Variants in DNAAF9 observed in about 807,000 individuals in gnomAD.
The protein encoded by DNAAF9 is dynein axonemal assembly factor 9, also known as shulin.
In DNAAF9, 90 loss-of-function variants were observed where a neutral mutation model predicts 167.0. The observed-to-expected ratio is 0.54, with a 90% confidence interval of 0.45 to 0.64. The LOEUF is 0.64. Among genes scored for constraint, DNAAF9 ranks in the 30% least tolerant of loss-of-function variants. DNAAF9 has a pLI of 0.00. For synonymous variants in DNAAF9, 491 were observed against 508.8 expected, an observed-to-expected ratio of 0.96 and a Z score of 0.47; for missense variants, 1,315 against 1,442.2, an observed-to-expected ratio of 0.91 and a Z score of 1.43.
chr20:3,381,616 A>C, intron 2 of DNAAF9, 118 bp from the exon 3 acceptor site: 1 of 989,894 alleles, frequency 1.0e-6, no homozygotes, highest in South Asian at 2.0e-5. Context: ...AGCTCAGACC[A>C]GTTTTGTGCC....
At chr20:3,287,878 G>T in intron 26 of DNAAF9, 88 bp from the exon 27 acceptor site, 1 of 1,178,770 alleles carries the variant, frequency 8.5e-7, no homozygotes, top group Non-Finnish European at 1.2e-6. Flanking sequence ...GTGACCATGA[G>T]TCCTAAAGCC....
chr20:3,256,198 G>A lies in DNAAF9; in HGVS notation c.3069C>T (p.Thr1023=), dbSNP rs1463539057. ...GKVKFSDSER[T]MEVCYNTLAN... ...CCAGTGTGTTGTAGCAGACCTCCAT[G>A]GTCCTCTCAGAGTCTGTAAGGAGAA... The change falls in exon 34 of 37, where the codon ACC becomes ACT. Residue 1023 remains threonine, a synonymous_variant. Coordinates refer to ENST00000252032, the MANE Select transcript of DNAAF9 (RefSeq NM_001009984.3). 3 of 1,613,614 alleles carry A rather than the reference G, an allele frequency of 1.9e-6. No individual in the cohort carries two copies. Among genetic ancestry groups the A allele is most frequent in the Non-Finnish European group, 2.5e-6 (3 of 1,179,512 alleles).
intron 21 of DNAAF9, among the ~76,000 whole-genome samples, chr20:3,298,531 GCTGGTCTCAAACTC>G (rs2069124248): frequency 6.6e-6 from 1 of 151,992 alleles, no homozygotes; most frequent in Non-Finnish European, 1.5e-5. Context: ...TGTTGCCCAG[GCTGGTCTCAAACTC>G]CTGGTCTCAA....
At chr20:3,280,209 CT>C (rs2068742549) in intron 28 of DNAAF9, among the ~76,000 whole-genome samples, 3 of 152,188 alleles carry the variant, frequency 2.0e-5, no homozygotes. Flanking sequence ...ATAGAACTCA[CT>C]GACTTCACTG....
chr20:3,355,762 AAT>A (rs916646522), intron 7 of DNAAF9, among the ~76,000 whole-genome samples: 2 of 152,164 alleles, frequency 1.3e-5, no homozygotes, highest in Non-Finnish European at 2.9e-5. Flanking sequence ...ATATTATTTT[AAT>A]ATGACACTAG....
At chr20:3,281,571 G>A (rs2122861450) in intron 28 of DNAAF9, 70 bp downstream of exon 28, 1 of 1,448,054 alleles carries the variant, frequency 6.9e-7, no homozygotes, top group South Asian at 1.4e-5. Flanking sequence ...CATTCCAAAA[G>A]ATCTGTCTTC....
intron 16 of DNAAF9, among the ~76,000 whole-genome samples, chr20:3,320,019 T>G (rs943565805): frequency 6.6e-6 from 1 of 152,140 alleles, no homozygotes; most frequent in African/African-American, 2.4e-5. Flanking sequence ...ATCCTTCATG[T>G]TCATATTTGG....
chr20:3,263,798 TGAA>T (rs1173024334), intron 31 of DNAAF9, among the ~76,000 whole-genome samples: 7 of 152,238 alleles, frequency 4.6e-5, no homozygotes, highest in Non-Finnish European at 8.8e-5. Context: ...GCTGAAAGAC[TGAA>T]TTATAAATTT....
In DNAAF9 at chr20:3,251,247, A is replaced by C. The variant is rs1163290379; in HGVS notation, c.*1325T>G. On this transcript the variant is annotated 3_prime_UTR_variant, in exon 37 of 37. Transcript: ENST00000252032. ...CAGGCACACAGACTACATGTGCTCC[A>C]TCTTGTCTCTCCGCTGCTCCAGGGG... The C allele has an allele frequency of 6.6e-6, 1 of 151,184 alleles. No homozygotes were observed. The highest frequency in any genetic ancestry group is 1.9e-4 in the East Asian group (1 of 5,182). 9.4% of individuals were successfully genotyped at this position (151,184 alleles called of 1,614,324 possible).
Position 3,307,108 on chromosome 20 carries a change from C to T in DNAAF9, c.1679-2565G>A, listed in dbSNP as rs2069312594. 8 of 984,624 alleles carry T rather than the reference C, an allele frequency of 8.1e-6. No homozygotes were observed. The South Asian group carries it at 2.8e-4, about 35-fold the overall frequency. 61.0% of individuals were successfully genotyped at this position (984,624 alleles called of 1,614,324 possible). ...AAAGCACAGATTGGAGAAGCTGGCA[C>T]ATTCCATTTACTCAATAGGAAGATG... is the stretch of plus-strand genomic sequence containing the variant. On this transcript the variant is annotated intron_variant, in intron 20 of 36. Coordinates refer to ENST00000252032, the MANE Select transcript of DNAAF9 (RefSeq NM_001009984.3).
At chr20:3,288,267 A>G (rs536851923) in intron 26 of DNAAF9, among the ~76,000 whole-genome samples, 2 of 152,358 alleles carry the variant, frequency 1.3e-5, no homozygotes, top group East Asian at 3.9e-4. Context: ...CCTGACCAAC[A>G]TAGAGAAATT....
At chr20:3,336,252 GTTTTTGT>G (rs2069941687) in intron 10 of DNAAF9, among the ~76,000 whole-genome samples, 1 of 81,416 alleles carries the variant, frequency 1.2e-5, no homozygotes, top group African/African-American at 5.1e-5. Context: ...ACAGTTTTGC[GTTTTTGT>G]TTTTTTTTTT....
chr20:3,346,148 A>C (rs2070189063), intron 8 of DNAAF9, among the ~76,000 whole-genome samples: 1 of 152,238 alleles, frequency 6.6e-6, no homozygotes, highest in African/African-American at 2.4e-5. Flanking sequence ...AAAATTTTTA[A>C]AGTATGACAA....
Position 3,315,722 on chromosome 20 carries a change from G to A in DNAAF9, c.1590+13C>T, listed in dbSNP as rs1326971150. The A allele has an allele frequency of 6.2e-7, 1 of 1,602,440 alleles. No individual in the cohort carries two copies. Among genetic ancestry groups the A allele is most frequent in the East Asian group, 2.2e-5 (1 of 44,832 alleles). On this transcript the variant is annotated intron_variant, in intron 19 of 36. Transcript: ENST00000252032. The surrounding 1 kb of genome is among the most constrained non-coding windows in gnomAD (Gnocchi z 4.1). ...GATATAATGTTCACACTGAGAATAA[G>A]AAGGCTGCTTACCCTCACTGCTTGC...
chr20:3,255,372 T>G, intron 34 of DNAAF9, 88 bp from the exon 35 acceptor site: 1 of 760,950 alleles, frequency 1.3e-6, no homozygotes, highest in Non-Finnish European at 2.3e-6. Context: ...ATTACACAAC[T>G]AAGATCTCAG....
chr20:3,332,276 T>C lies in DNAAF9; in HGVS notation c.1063+4A>G. The C allele has an allele frequency of 1.3e-6, 2 of 1,501,346 alleles. No homozygotes were observed. The highest frequency in any genetic ancestry group is 1.9e-6 in the Non-Finnish European group (2 of 1,077,662). The allele number at this position is 1,501,346 out of a possible 1,614,324, so 93.0% of individuals were successfully genotyped here. On this transcript the variant is annotated splice_donor_region_variant and intron_variant, in intron 11 of 36. Coordinates refer to ENST00000252032, the MANE Select transcript of DNAAF9 (RefSeq NM_001009984.3). ...TGATGAGATGACAACTTATAGGGAC[T>C]TACCCAAGTAAGGAACATGAGTAGC...
intron 31 of DNAAF9, among the ~76,000 whole-genome samples, chr20:3,263,306 T>C (rs2068427960): frequency 6.6e-6 from 1 of 152,008 alleles, no homozygotes; most frequent in Non-Finnish European, 1.5e-5. Flanking sequence ...AAGTTGGTGG[T>C]GTAAGGGGTG....
intron 20 of DNAAF9, among the ~76,000 whole-genome samples, chr20:3,314,119 T>C (rs1401819167): frequency 2.0e-5 from 3 of 152,140 alleles, no homozygotes; most frequent in Non-Finnish European, 2.9e-5. Context: ...TCCACAGACA[T>C]GGAGAGAACT....
At chr20:3,297,178 G>A (rs2069096317) in intron 22 of DNAAF9, among the ~76,000 whole-genome samples, 2 of 152,160 alleles carry the variant, frequency 1.3e-5, no homozygotes, top group South Asian at 4.1e-4. Context: ...TCCTTGAGAG[G>A]TCAGGAAGTA....
Sources: allele counts gnomAD v4.1 joint callset (sites outside exome capture counted in the v4.1 genomes callset), GRCh38; gene constraint gnomAD v4.1.1; non-coding constraint Gnocchi (gnomAD v3.1); transcripts MANE v1.5; gene names NCBI Gene and HGNC (gene_info 2026-07-23, HGNC 2026-07-21).